CDH13: variants seen among roughly 807,000 people sequenced by gnomAD.
CDH13 encodes the protein cadherin-13.
In CDH13, 24 loss-of-function variants were observed where a neutral mutation model predicts 63.8. That is an observed-to-expected ratio of 0.38 (90% CI 0.27 to 0.53). The LOEUF is 0.53. Ranked by LOEUF, CDH13 falls within the 20% of genes least tolerant of loss-of-function variation. The probability of loss-of-function intolerance (pLI) is 0.85; values close to 1 mark genes in which losing one functional copy is unlikely to be tolerated. For missense variants in CDH13, 1,049 were observed against 903.1 expected (o/e 1.16, Z -2.07); for synonymous variants, 503 against 355.3 (o/e 1.42, Z -4.67).
chr16:83,604,846 C>T (rs144637417), intron 8 of CDH13, among the ~76,000 whole-genome samples: 2 of 152,230 alleles, frequency 1.3e-5, no homozygotes, highest in East Asian at 3.9e-4. Flanking sequence ...ACTTCAATGC[C>T]ACTGTGAATT....
At chr16:83,532,904 C>A (rs962288002) in intron 7 of CDH13, among the ~76,000 whole-genome samples, 2 of 152,200 alleles carry the variant, frequency 1.3e-5, no homozygotes, top group African/African-American at 4.8e-5. Context: ...CCAGCGGCCT[C>A]CCCTGCATCT....
chr16:83,257,808 G>A (rs568692777), intron 5 of CDH13, among the ~76,000 whole-genome samples: 21 of 152,226 alleles, frequency 1.4e-4, no homozygotes, highest in African/African-American at 3.9e-4. Flanking sequence ...TGGGTTGAAC[G>A]CTATTTGTAT....
At chr16:82,985,323 A>G (rs1910798517) in intron 2 of CDH13, among the ~76,000 whole-genome samples, 1 of 152,182 alleles carries the variant, frequency 6.6e-6, no homozygotes, top group African/African-American at 2.4e-5. Context: ...GGGCTGATTC[A>G]TCCTATTCTG....
intron 1 of CDH13, among the ~76,000 whole-genome samples, chr16:82,720,955 G>T (rs760980214): frequency 6.6e-6 from 1 of 152,138 alleles, no homozygotes; most frequent in Non-Finnish European, 1.5e-5. Flanking sequence ...ACTGGAGAAG[G>T]GATCAAGAAC....
intron 2 of CDH13, among the ~76,000 whole-genome samples, chr16:82,903,871 C>G (rs530806159): frequency 1.3e-5 from 2 of 152,084 alleles, no homozygotes; most frequent in African/African-American, 4.8e-5. Context: ...GCTGAAGTGC[C>G]TATAGCTAGG....
intron 1 of CDH13, among the ~76,000 whole-genome samples, chr16:82,797,266 C>CA (rs1871694351): frequency 6.6e-6 from 1 of 152,134 alleles, no homozygotes; most frequent in African/African-American, 2.4e-5. Flanking sequence ...TAACCCAGCT[C>CA]TTGGAGCCTC....
At chr16:82,738,325 G>A (rs1041554958) in intron 1 of CDH13, among the ~76,000 whole-genome samples, 2 of 152,178 alleles carry the variant, frequency 1.3e-5, no homozygotes, top group African/African-American at 4.8e-5. Context: ...TACCGTGCAC[G>A]GAGGACTTTA....
At chr16:83,650,282 G>A (rs1213289807) in intron 8 of CDH13, among the ~76,000 whole-genome samples, 2 of 152,148 alleles carry the variant, frequency 1.3e-5, no homozygotes, top group African/African-American at 2.4e-5. Flanking sequence ...AAATTGTAGG[G>A]TAATGAAAAC....
intron 2 of CDH13, among the ~76,000 whole-genome samples, chr16:82,924,419 G>C (rs1404211896): frequency 2.0e-5 from 3 of 152,152 alleles, no homozygotes; most frequent in African/African-American, 7.2e-5. Flanking sequence ...GTAATGTCAG[G>C]AGGACAATAT....
chr16:82,918,345 T>C lies in CDH13; in HGVS notation c.157+59872T>C, dbSNP rs530194304. Among the ~76,000 whole-genome samples the C allele has an allele frequency of 4.6e-5, 7 of 152,282 alleles. No homozygotes were observed. In the East Asian group the frequency reaches 1.4e-3, roughly 29 times the overall value. Reference sequence around the variant, plus strand: ...CGGAGAAAATGGTGATTAGAATCTCTGCACCAGTTTCTGTGATTTTTTTGA... The same window carrying C: ...CGGAGAAAATGGTGATTAGAATCTCCGCACCAGTTTCTGTGATTTTTTTGA... On this transcript the variant is annotated intron_variant, in intron 2 of 13. Transcript: ENST00000567109.
At chr16:83,737,952 T>A (rs1911692568) in intron 10 of CDH13, among the ~76,000 whole-genome samples, 1 of 152,174 alleles carries the variant, frequency 6.6e-6, no homozygotes, top group East Asian at 1.9e-4. Context: ...AATATCTACC[T>A]CCCAGGTTGA....
At chr16:82,803,440 C>A (rs926116342) in intron 1 of CDH13, among the ~76,000 whole-genome samples, 2 of 150,930 alleles carry the variant, frequency 1.3e-5, no homozygotes, top group East Asian at 3.9e-4. Context: ...TATTTAGAAT[C>A]TCTGAGCAGC....
intron 1 of CDH13, among the ~76,000 whole-genome samples, chr16:82,707,056 G>T (rs72837569): frequency 1.3e-5 from 2 of 152,188 alleles, no homozygotes; most frequent in Non-Finnish European, 2.9e-5. Context: ...AGGACAAGGC[G>T]TGGACCATCC....
chr16:83,534,085 C>T (rs929684014), intron 7 of CDH13, among the ~76,000 whole-genome samples: 1 of 152,116 alleles, frequency 6.6e-6, no homozygotes, highest in Non-Finnish European at 1.5e-5. Flanking sequence ...TTCTCATCGC[C>T]CCCAAATGAA....
intron 1 of CDH13, among the ~76,000 whole-genome samples, chr16:82,739,041 G>A (rs1330463120): frequency 6.6e-6 from 1 of 152,108 alleles, no homozygotes; most frequent in Non-Finnish European, 1.5e-5. Context: ...CTTCCTTTCG[G>A]AAATGAATCC....
intron 1 of CDH13, among the ~76,000 whole-genome samples, chr16:82,811,181 C>T (rs757104974): frequency 3.3e-5 from 5 of 152,148 alleles, no homozygotes; most frequent in Non-Finnish European, 2.9e-5. Flanking sequence ...AAGCTGATTA[C>T]GCGAATTTCT....
intron 6 of CDH13, among the ~76,000 whole-genome samples, chr16:83,472,849 G>C (rs550161531): frequency 2.8e-4 from 42 of 152,300 alleles, no homozygotes; most frequent in African/African-American, 9.6e-4. Context: ...CAGAGGATAC[G>C]AGGGTGAATC....
At chr16:82,728,044 A>T (rs2033195268) in intron 1 of CDH13, among the ~76,000 whole-genome samples, 1 of 152,142 alleles carries the variant, frequency 6.6e-6, no homozygotes, top group African/African-American at 2.4e-5. Context: ...TCTATTACTT[A>T]TTATGTCTGC....
chr16:83,003,533 A>G (rs182335714), intron 2 of CDH13, among the ~76,000 whole-genome samples: 2 of 152,348 alleles, frequency 1.3e-5, no homozygotes, highest in Admixed American at 1.3e-4. Context: ...GGAAAAGCAA[A>G]CAAAGAAGGA....
Sources: gnomAD v4.1 joint callset for allele counts (sites outside exome capture counted in the v4.1 genomes callset) on GRCh38, gnomAD v4.1.1 for gene constraint, MANE v1.5 for transcripts, NCBI Gene and HGNC (gene_info 2026-07-23, HGNC 2026-07-21) for gene names.